UGT8: variants seen among roughly 807,000 people sequenced by gnomAD.
UGT8 encodes the protein 2-hydroxyacylsphingosine 1-beta-galactosyltransferase.
UGT8 carries 12 observed loss-of-function variants against 40.5 expected under a neutral mutation model. The observed-to-expected ratio is 0.30, with a 90% CI of 0.19 to 0.48. The LOEUF is 0.48. Ranked by LOEUF, UGT8 falls within the 20% of genes least tolerant of loss-of-function variation. The probability of loss-of-function intolerance (pLI) is 0.99; values close to 1 mark genes in which losing one functional copy is unlikely to be tolerated. For missense variants in UGT8, 513 were observed against 648.7 expected, an observed-to-expected ratio of 0.79 and a Z score of 2.27; for synonymous variants, 224 against 240.4, an observed-to-expected ratio of 0.93 and a Z score of 0.63.
chr4:114,668,140 A>G lies in UGT8; in HGVS notation c.1098A>G (p.Glu366=). The change falls in exon 5 of 6, where the codon GAA becomes GAG. Residue 366 remains glutamate, a synonymous_variant. Coordinates refer to ENST00000310836, the MANE Select transcript of UGT8 (RefSeq NM_001128174.3). ...LSHGGLNSIF[E]TIYHGVPVVG... ...ATGGTGGTTTGAACAGTATTTTTGAAACTATATATCATGGTGTGCCTGTAG... is the reference window on the plus strand; with the variant it reads ...ATGGTGGTTTGAACAGTATTTTTGAGACTATATATCATGGTGTGCCTGTAG... The G allele has an allele frequency of 6.2e-7, 1 of 1,613,840 alleles. No homozygotes were observed. Among genetic ancestry groups the G allele is most frequent in the Non-Finnish European group, 8.5e-7 (1 of 1,179,798 alleles).
At chr4:114,606,173 C>A (rs1217077065) in intron 1 of UGT8, among the ~76,000 whole-genome samples, 1 of 152,140 alleles carries the variant, frequency 6.6e-6, no homozygotes, top group East Asian at 1.9e-4. Flanking sequence ...TTTTAAACTT[C>A]TACACTTAAG....
intron 2 of UGT8, among the ~76,000 whole-genome samples, chr4:114,653,048 C>G (rs529210263): frequency 2.6e-5 from 4 of 151,908 alleles, no homozygotes; most frequent in African/African-American, 9.7e-5. Flanking sequence ...TTGCCCATAC[C>G]GTTCTGGATC....
chr4:114,654,615 T>C (rs995381596), intron 2 of UGT8, among the ~76,000 whole-genome samples: 4 of 152,092 alleles, frequency 2.6e-5, no homozygotes, highest in African/African-American at 9.7e-5. Context: ...GAGACTTTAG[T>C]TGAGCTAGTA....
chr4:114,647,431 T>G (rs978473887), intron 2 of UGT8, among the ~76,000 whole-genome samples: 1 of 151,540 alleles, frequency 6.6e-6, no homozygotes, highest in Non-Finnish European at 1.5e-5. Flanking sequence ...AGTGGCGCTA[T>G]CTCAGCTCAC....
chr4:114,621,985 G>A (rs1041225790), intron 1 of UGT8, among the ~76,000 whole-genome samples: 3 of 151,656 alleles, frequency 2.0e-5, no homozygotes, highest in African/African-American at 7.3e-5. Flanking sequence ...TTAAGTTTTA[G>A]GGTACATGTG....
At chr4:114,655,749 T>A (rs935671640) in intron 2 of UGT8, among the ~76,000 whole-genome samples, 2 of 152,038 alleles carry the variant, frequency 1.3e-5, no homozygotes, top group African/African-American at 4.8e-5. Flanking sequence ...AATAAGGAAA[T>A]TAACAATGAT....
chr4:114,672,534 G>C (rs939028578), intron 5 of UGT8, among the ~76,000 whole-genome samples: 15 of 152,154 alleles, frequency 9.9e-5, no homozygotes, highest in Admixed American at 2.6e-4. Context: ...GATGAAGCTG[G>C]AAGCCATCAT....
intron 2 of UGT8, among the ~76,000 whole-genome samples, chr4:114,658,876 T>C (rs1360403846): frequency 6.6e-6 from 1 of 152,124 alleles, no homozygotes; most frequent in African/African-American, 2.4e-5. Context: ...TACCTGAAAA[T>C]AATGAAAATT....
chr4:114,656,485 G>C (rs1020190765), intron 2 of UGT8, among the ~76,000 whole-genome samples: 1 of 152,124 alleles, frequency 6.6e-6, no homozygotes, highest in African/African-American at 2.4e-5. Flanking sequence ...GCAAAATAAA[G>C]CAGTGTACTT....
intron 4 of UGT8, among the ~76,000 whole-genome samples, chr4:114,667,165 C>A (rs1443800484): frequency 6.6e-6 from 1 of 152,170 alleles, no homozygotes; most frequent in Non-Finnish European, 1.5e-5. Context: ...CCAATTCCAC[C>A]AGTCTTCAGA....
intron 2 of UGT8, among the ~76,000 whole-genome samples, chr4:114,658,976 G>A (rs1245000654): frequency 6.6e-6 from 1 of 151,842 alleles, no homozygotes; most frequent in Non-Finnish European, 1.5e-5. Flanking sequence ...ACAGAGCCAG[G>A]CTGCTTTACC....
chr4:114,636,974 C>A (rs1732923953), intron 2 of UGT8, among the ~76,000 whole-genome samples: 1 of 152,138 alleles, frequency 6.6e-6, no homozygotes, highest in South Asian at 2.1e-4. Flanking sequence ...TGGCTGATAG[C>A]AATTTAACAT....
chr4:114,631,506 G>T (rs865775800), intron 2 of UGT8, among the ~76,000 whole-genome samples: 10 of 152,136 alleles, frequency 6.6e-5, no homozygotes, highest in South Asian at 2.1e-4. Flanking sequence ...AACAATAAAA[G>T]AAAAGTAATG....
Position 114,623,338 on chromosome 4 carries a change from T to C in UGT8, c.458T>C (p.Val153Ala). 1 of 1,614,078 alleles carries C rather than the reference T, an allele frequency of 6.2e-7. No individual in the cohort carries two copies. The highest frequency in any genetic ancestry group is 8.5e-7 in the Non-Finnish European group (1 of 1,179,990). The change falls in exon 2 of 6, where the codon GTT becomes GCT. Residue 153 changes from valine (V) to alanine (A), a missense_variant. By Grantham distance (64) the Val-to-Ala change is moderately conservative. Around this residue, in one of 3 missense-constraint regions of UGT8, gnomAD observed 335 missense variants for 444.8 expected, o/e 0.75. Transcript: ENST00000310836. ...CGFVIAHLLGVKYAVFSTGLW... is the reference protein window; with the variant it reads ...CGFVIAHLLGAKYAVFSTGLW... ...TTTGTGATAGCTCATCTTTTAGGGG[T>C]TAAATATGCTGTATTTTCAACTGGC...
At chr4:114,607,082 T>G (rs1730778240) in intron 1 of UGT8, among the ~76,000 whole-genome samples, 1 of 152,222 alleles carries the variant, frequency 6.6e-6, no homozygotes, top group South Asian at 2.1e-4. Context: ...ACAGCTTTAT[T>G]GTAGTTTGCA....
chr4:114,632,196 T>G (rs1010883149), intron 2 of UGT8, among the ~76,000 whole-genome samples: 3 of 152,166 alleles, frequency 2.0e-5, no homozygotes, highest in Non-Finnish European at 4.4e-5. Context: ...AATATAAACA[T>G]AGAGAGTTAA....
chr4:114,668,627 A>G (rs1432911610), intron 5 of UGT8, among the ~76,000 whole-genome samples: 2 of 152,224 alleles, frequency 1.3e-5, no homozygotes, highest in Non-Finnish European at 2.9e-5. Flanking sequence ...ACAGCTGTAT[A>G]TCACAGTTTT....
At chr4:114,652,811 A>G (rs2126123553) in intron 2 of UGT8, among the ~76,000 whole-genome samples, 1 of 152,202 alleles carries the variant, frequency 6.6e-6, no homozygotes, top group East Asian at 1.9e-4. Flanking sequence ...TGTTTATTCT[A>G]ACGTTGGAGT....
At chr4:114,646,891 A>G (rs1272220298) in intron 2 of UGT8, among the ~76,000 whole-genome samples, 1 of 152,220 alleles carries the variant, frequency 6.6e-6, no homozygotes, top group Admixed American at 6.5e-5. Flanking sequence ...ATCACTGGGG[A>G]CAGGCTTTTG....
Sources: allele counts gnomAD v4.1 joint callset (sites outside exome capture counted in the v4.1 genomes callset), GRCh38; gene constraint gnomAD v4.1.1; regional missense constraint gnomAD v4.1.1; transcripts MANE v1.5; gene names NCBI Gene and HGNC (gene_info 2026-07-23, HGNC 2026-07-21).